C12orf42: variants seen among roughly 807,000 people sequenced by gnomAD.
The protein encoded by C12orf42 is uncharacterized protein C12orf42.
In C12orf42, 25 loss-of-function variants were observed where a neutral mutation model predicts 21.6. The observed-to-expected ratio is 1.16, with a 90% CI of 0.84 to 1.62. C12orf42 has a LOEUF of 1.62. C12orf42 is among the 40% of genes most tolerant of loss of function. C12orf42 has a pLI of 0.00. For missense variants in C12orf42, 483 were observed against 459.3 expected, an observed-to-expected ratio of 1.05 and a Z score of -0.47; for synonymous variants, 174 against 175.0, an observed-to-expected ratio of 0.99 and a Z score of 0.05.
At chr12:103,561,128 T>C in the C12orf42 span, among the ~76,000 whole-genome samples, 2 of 152,260 alleles carry the variant, frequency 1.3e-5, no homozygotes, top group South Asian at 2.1e-4. Context: ...GGCACTACAA[T>C]GCTAATGTGA....
chr12:103,065,943 G>C, the C12orf42 span, among the ~76,000 whole-genome samples: 5 of 152,216 alleles, frequency 3.3e-5, no homozygotes, highest in Admixed American at 6.5e-5. Flanking sequence ...TGTCCAAGCT[G>C]CTGTATAAGC....
In C12orf42 at chr12:103,330,825, T is replaced by G. The variant is rs73185859; in HGVS notation, c.260-24480A>C. Among the ~76,000 whole-genome samples the G allele has an allele frequency of 7.5e-3, 1,136 of 152,292 alleles. 9 individuals carry two copies. The highest frequency in any genetic ancestry group is 0.012 in the Non-Finnish European group (819 of 68,020). ...ATGAATTCCTTAGGGAAAGAGAATA[T>G]GACTAATATATCCCACCAACAGCTT... is the stretch of plus-strand genomic sequence containing the variant. On this transcript the variant is annotated intron_variant, in intron 4 of 5. Coordinates refer to ENST00000548883, the MANE Select transcript of C12orf42 (RefSeq NM_198521.5).
chr12:103,369,683 T>C (rs2045012685), intron 3 of C12orf42, among the ~76,000 whole-genome samples: 1 of 152,080 alleles, frequency 6.6e-6, no homozygotes, highest in Middle Eastern at 3.2e-3. Flanking sequence ...TACAAAGATA[T>C]TGGATAAACA....
chr12:103,194,828 T>C, the C12orf42 span, among the ~76,000 whole-genome samples: 6 of 152,168 alleles, frequency 3.9e-5, no homozygotes, highest in Admixed American at 3.9e-4. Context: ...AGGAAGTACA[T>C]GTGCAGGTTT....
the C12orf42 span, chr12:103,164,380 CTCTT>C: frequency 1.8e-5 from 8 of 455,958 alleles, 1 homozygote; most frequent in Middle Eastern, 2.3e-3. Flanking sequence ...TTATATATGA[CTCTT>C]TCTTCTTCTT....
At chr12:103,132,957 C>T in the C12orf42 span, among the ~76,000 whole-genome samples, 1 of 152,186 alleles carries the variant, frequency 6.6e-6, no homozygotes. Context: ...TGAGGCTCAC[C>T]TTCCCCTGCC....
the C12orf42 span, among the ~76,000 whole-genome samples, chr12:103,075,294 T>A: frequency 6.6e-6 from 1 of 152,140 alleles, no homozygotes; most frequent in African/African-American, 2.4e-5. Flanking sequence ...TTTATTCCCT[T>A]TTTTTCCTCT....
chr12:103,211,478 G>A, the C12orf42 span, among the ~76,000 whole-genome samples: 17 of 152,184 alleles, frequency 1.1e-4, no homozygotes, highest in Non-Finnish European at 1.5e-4. Flanking sequence ...CTTAGGTTTT[G>A]TCTCTCAAAT....
At chr12:103,424,539 C>T (rs10745967) in intron 2 of C12orf42, among the ~76,000 whole-genome samples, 40,176 of 152,010 alleles carry the variant, frequency 0.26, 6,735 homozygotes, top group African/African-American at 0.47. Context: ...GGAAGCAGGG[C>T]AGGGCAACAC....
At chr12:103,301,929 A>G, downstream of C12orf42, 1 of 701,296 alleles carries the variant, frequency 1.4e-6, no homozygotes, top group Non-Finnish European at 2.3e-6. Flanking sequence ...AGATGCTTCA[A>G]AAGGAACATT....
At chr12:103,107,971 C>G in the C12orf42 span, among the ~76,000 whole-genome samples, 3 of 151,134 alleles carry the variant, frequency 2.0e-5, no homozygotes, top group South Asian at 6.2e-4. Flanking sequence ...TAATTTAACA[C>G]AAATTATAAA....
At chr12:103,279,642 T>C (rs995745938) in intron 4 of C12orf42, among the ~76,000 whole-genome samples, 1 of 152,200 alleles carries the variant, frequency 6.6e-6, no homozygotes, top group African/African-American at 2.4e-5. Flanking sequence ...GGAAATGAGA[T>C]GTCAACATAA....
upstream of C12orf42, among the ~76,000 whole-genome samples, chr12:103,496,810 C>T (rs531159454): frequency 1.4e-4 from 11 of 80,030 alleles, no homozygotes; most frequent in East Asian, 2.1e-3. Context: ...TATTTCTAGC[C>T]GGGAAAAAAA....
At chr12:103,192,747 G>A in the C12orf42 span, among the ~76,000 whole-genome samples, 26 of 152,122 alleles carry the variant, frequency 1.7e-4, no homozygotes, top group African/African-American at 5.3e-4. Context: ...TACGGAAAGC[G>A]AAGATTGATA....
downstream of C12orf42, chr12:103,301,946 T>G (rs1413616820): frequency 1.3e-6 from 1 of 789,640 alleles, no homozygotes; most frequent in Non-Finnish European, 2.0e-6. Flanking sequence ...CATTTTTGGC[T>G]GCGCTAGGGA....
At chr12:103,223,489 G>A in the C12orf42 span, among the ~76,000 whole-genome samples, 1 of 152,178 alleles carries the variant, frequency 6.6e-6, no homozygotes, top group Non-Finnish European at 1.5e-5. Context: ...AGTGCCTAAG[G>A]AGATTCAGCA....
the C12orf42 span, among the ~76,000 whole-genome samples, chr12:103,227,795 C>T: frequency 7.2e-5 from 11 of 152,236 alleles, no homozygotes; most frequent in South Asian, 6.2e-4. Flanking sequence ...CCATGACCGG[C>T]GCCGGAGTTT....
chr12:103,536,179 G>T, the C12orf42 span, among the ~76,000 whole-genome samples: 542 of 152,314 alleles, frequency 3.6e-3, 6 homozygotes, highest in African/African-American at 0.013. Context: ...GGACTGGTTA[G>T]ATGTCAAAGA....
chr12:103,501,999 T>TA, the C12orf42 span, among the ~76,000 whole-genome samples: 3 of 152,220 alleles, frequency 2.0e-5, no homozygotes, highest in African/African-American at 7.2e-5. Context: ...TACCTATGCC[T>TA]AGATCATGGT....
Sources: allele counts gnomAD v4.1 joint callset (sites outside exome capture counted in the v4.1 genomes callset), GRCh38; gene constraint gnomAD v4.1.1; transcripts MANE v1.5; gene names NCBI Gene and HGNC (gene_info 2026-07-23, HGNC 2026-07-21).